CSGALNACT2: variants seen among roughly 807,000 people sequenced by gnomAD.
CSGALNACT2 encodes the protein chondroitin sulfate N-acetylgalactosaminyltransferase 2, also known as beta 4 GalNAcT-2.
CSGALNACT2 carries 35 observed loss-of-function variants against 55.3 expected under a neutral mutation model. The observed-to-expected ratio is 0.63, with a 90% CI of 0.48 to 0.84. The LOEUF (loss-of-function observed/expected upper bound fraction) is 0.84, where lower values mean the gene tolerates loss of function less well. Among genes scored for constraint, CSGALNACT2 ranks in the 40% least tolerant of loss-of-function variants. The pLI, the probability that CSGALNACT2 is intolerant of heterozygous loss-of-function variation, is 0.00. For synonymous variants in CSGALNACT2, 196 were observed against 224.9 expected (o/e 0.87, Z 1.15); for missense variants, 544 against 657.5 (o/e 0.83, Z 1.89).
At position 43,183,707 on chromosome 10, in the gene CSGALNACT2, A is replaced by G. The variant is rs940334416; in HGVS notation, c.*165A>G. 1 of 611,656 alleles carries G rather than the reference A, an allele frequency of 1.6e-6. No homozygotes were observed. The allele number at this position is 611,656 out of a possible 1,614,324, so 37.9% of individuals were successfully genotyped here. On this transcript the variant is annotated 3_prime_UTR_variant, in exon 8 of 8. Transcript: ENST00000374466. ...AACTTGATGTGAGAAGAAAAAACAAATGTTTCAACACAAAATCTCTGTTTT... is the reference window on the plus strand; with the variant it reads ...AACTTGATGTGAGAAGAAAAAACAAGTGTTTCAACACAAAATCTCTGTTTT...
At chr10:43,153,205 G>A (rs1250960427) in intron 1 of CSGALNACT2, among the ~76,000 whole-genome samples, 1 of 151,858 alleles carries the variant, frequency 6.6e-6, no homozygotes, top group East Asian at 1.9e-4. Flanking sequence ...CGTGGTGGCC[G>A]GCGCTTGTAG....
At position 43,183,295 on chromosome 10, in the gene CSGALNACT2, A is replaced by G. The variant is rs1564523362; in HGVS notation, c.1382A>G (p.His461Arg). The G allele has an allele frequency of 8.7e-6, 14 of 1,613,820 alleles. No individual in the cohort carries two copies. Among genetic ancestry groups the G allele is most frequent in the African/African-American group, 1.3e-5 (1 of 75,048 alleles). The change falls in exon 8 of 8, where the codon CAT becomes CGT. Residue 461 changes from histidine to arginine, a missense_variant. Physicochemically the swap from His to Arg is conservative, Grantham distance 29. Coordinates refer to ENST00000374466, the MANE Select transcript of CSGALNACT2 (RefSeq NM_018590.5). ...AAAGGTTGGGGTGGAGAAGATGTTC[A>G]TCTTTATCGAAAATACTTACATGGT... ...EVKGWGGEDVHLYRKYLHGDL... is the reference protein window; with the variant it reads ...EVKGWGGEDVRLYRKYLHGDL...
At chr10:43,164,910 A>G (rs1484437753) in intron 5 of CSGALNACT2, among the ~76,000 whole-genome samples, 1 of 151,978 alleles carries the variant, frequency 6.6e-6, no homozygotes, top group African/African-American at 2.4e-5. Context: ...AATGCTTTTT[A>G]GTTCATTTAA....
intron 6 of CSGALNACT2, among the ~76,000 whole-genome samples, chr10:43,169,069 C>G (rs1421306862): frequency 3.3e-5 from 5 of 152,124 alleles, no homozygotes; most frequent in African/African-American, 1.2e-4. Flanking sequence ...AGGGATTGAC[C>G]CTCAGTCTAA....
chr10:43,164,845 CAAAAAA>C (rs762322937), intron 5 of CSGALNACT2, among the ~76,000 whole-genome samples: 4 of 68,486 alleles, frequency 5.8e-5, no homozygotes, highest in African/African-American at 2.2e-4. Flanking sequence ...GACTCCATCT[CAAAAAA>C]AAAAAAAAAA....
chr10:43,166,443 A>G (rs79636561), intron 5 of CSGALNACT2, among the ~76,000 whole-genome samples: 6,665 of 152,324 alleles, frequency 0.044, 179 homozygotes, highest in South Asian at 0.089. Flanking sequence ...TAGATCAGTC[A>G]GTTTGAATGC....
chr10:43,155,431 G>A lies in CSGALNACT2; in HGVS notation c.282G>A (p.Arg94=). Residue 94 remains arginine (R), a synonymous_variant, in exon 2 of 8, where the codon CGG becomes CGA. Coordinates refer to ENST00000374466, the MANE Select transcript of CSGALNACT2 (RefSeq NM_018590.5). ...TACAAGAAATGAGTGAGAAGATGCG[G>A]TCACTGCAAGAAAGAAGGAATGTAG... is the stretch of plus-strand genomic sequence containing the variant. ...QELQEMSEKM[R]SLQERRNVGA... is the part of the protein sequence containing the mutation. 1 of 1,614,170 alleles carries A rather than the reference G, an allele frequency of 6.2e-7. No homozygotes were observed. The highest frequency in any genetic ancestry group is 8.5e-7 in the Non-Finnish European group (1 of 1,180,030).
At position 43,138,506 on chromosome 10, in the gene CSGALNACT2, G is replaced by C. The variant is rs1343999959; in HGVS notation, c.-315G>C. The C allele has an allele frequency of 6.6e-6, 1 of 150,532 alleles. No individual in the cohort carries two copies. Among genetic ancestry groups the C allele is most frequent in the Non-Finnish European group, 1.5e-5 (1 of 67,556 alleles). 9.3% of individuals were successfully genotyped at this position (150,532 alleles called of 1,614,324 possible). On this transcript the variant is annotated 5_prime_UTR_variant, in exon 1 of 8. Coordinates refer to ENST00000374466, the MANE Select transcript of CSGALNACT2 (RefSeq NM_018590.5). ...TGAGGCGGCGGCGGGCCCAAGGCGT[G>C]AGGCGCCGCCCGGGTGTCCCCGCGG...
intron 3 of CSGALNACT2, among the ~76,000 whole-genome samples, chr10:43,159,930 C>G (rs1839108536): frequency 2.0e-5 from 3 of 152,176 alleles, no homozygotes. Flanking sequence ...TAAAACTGGT[C>G]TGCAGCTGAA....
chr10:43,167,625 G>A (rs904843469), intron 6 of CSGALNACT2, among the ~76,000 whole-genome samples: 2 of 152,024 alleles, frequency 1.3e-5, no homozygotes, highest in Admixed American at 6.5e-5. Flanking sequence ...TGCAAAGATA[G>A]TACAAAGAGT....
intron 7 of CSGALNACT2, among the ~76,000 whole-genome samples, chr10:43,181,810 C>T (rs1009156067): frequency 3.8e-5 from 5 of 131,622 alleles, no homozygotes; most frequent in Non-Finnish European, 8.0e-5. Context: ...AGGCCAGGCA[C>T]GGTGGCTCAC....
At chr10:43,142,306 G>T (rs927978653) in intron 1 of CSGALNACT2, among the ~76,000 whole-genome samples, 4 of 151,960 alleles carry the variant, frequency 2.6e-5, no homozygotes, top group Non-Finnish European at 4.4e-5. Flanking sequence ...CTGTTTCCTG[G>T]GTTCAAGTGA....
At chr10:43,163,759 T>G in intron 4 of CSGALNACT2, 107 bp from the exon 5 acceptor site, 1 of 1,395,838 alleles carries the variant, frequency 7.2e-7, no homozygotes, top group South Asian at 1.8e-5. Context: ...AGAACCAATA[T>G]AATCAAATAT....
intron 1 of CSGALNACT2, among the ~76,000 whole-genome samples, chr10:43,151,252 A>G (rs113173202): frequency 7.6e-4 from 116 of 152,176 alleles, no homozygotes; most frequent in African/African-American, 2.6e-3. Context: ...GATGCCAGAT[A>G]TTGTGAATTT....
At chr10:43,176,514 C>A (rs1391128733) in intron 7 of CSGALNACT2, among the ~76,000 whole-genome samples, 2 of 152,184 alleles carry the variant, frequency 1.3e-5, no homozygotes, top group African/African-American at 4.8e-5. Flanking sequence ...CTCTTTCTAG[C>A]GCGTCTTGGA....
intron 6 of CSGALNACT2, among the ~76,000 whole-genome samples, chr10:43,172,099 C>T (rs974588848): frequency 1.8e-4 from 27 of 152,188 alleles, no homozygotes; most frequent in African/African-American, 6.3e-4. Flanking sequence ...ACAGATTCAT[C>T]CCTCTGATCC....
chr10:43,162,331 G>T, intron 4 of CSGALNACT2: 1 of 872,402 alleles, frequency 1.1e-6, no homozygotes, highest in Non-Finnish European at 1.7e-6. Flanking sequence ...AGGACATTTT[G>T]CCCACTCTTG....
At chr10:43,163,299 A>G (rs569231353) in intron 4 of CSGALNACT2, 1 of 839,346 alleles carries the variant, frequency 1.2e-6, no homozygotes, top group Admixed American at 6.2e-5. Context: ...GGGACACTGC[A>G]TCCATAGTAA....
chr10:43,158,643 TA>T, intron 2 of CSGALNACT2, 71 bp from the exon 3 acceptor site: 1 of 897,140 alleles, frequency 1.1e-6, no homozygotes, highest in Non-Finnish European at 1.8e-6. Context: ...TTTAAGTGAG[TA>T]AAATCTGTCT....
Sources: allele counts gnomAD v4.1 joint callset (sites outside exome capture counted in the v4.1 genomes callset), GRCh38; gene constraint gnomAD v4.1.1; transcripts MANE v1.5; gene names NCBI Gene and HGNC (gene_info 2026-07-23, HGNC 2026-07-21).